The following STX8 variants were observed in gnomAD, a reference collection of about 807,000 sequenced individuals.
The protein encoded by STX8 is syntaxin-8.
STX8 carries 23 observed loss-of-function variants against 37.5 expected under a neutral mutation model. The observed-to-expected ratio is 0.61, with a 90% CI of 0.44 to 0.87. STX8 has a LOEUF of 0.87. STX8 is among the 40% of genes least tolerant of loss of function. The pLI is 0.00. For missense variants in STX8, 313 were observed against 284.7 expected (o/e 1.10, Z -0.71); for synonymous variants, 115 against 99.1 (o/e 1.16, Z -0.95).
chr17:9,539,574 A>T (rs1171987081), intron 4 of STX8, among the ~76,000 whole-genome samples: 1 of 152,192 alleles, frequency 6.6e-6, no homozygotes, highest in Admixed American at 6.5e-5. Flanking sequence ...AGTTCTGACA[A>T]GGCTTTCTGG....
At chr17:9,502,563 C>A in intron 5 of STX8, among the ~76,000 whole-genome samples, 1 of 152,168 alleles carries the variant, frequency 6.6e-6, no homozygotes, top group Non-Finnish European at 1.5e-5. Flanking sequence ...TTTTTACTTG[C>A]AAATTAAAAA....
intron 6 of STX8, among the ~76,000 whole-genome samples, chr17:9,398,515 A>G (rs1182584197): frequency 6.6e-6 from 1 of 152,224 alleles, no homozygotes; most frequent in Non-Finnish European, 1.5e-5. Context: ...ATCCTAGAAC[A>G]GGAAAAGGAC....
At chr17:9,274,898 G>A (rs537415322) in intron 7 of STX8, among the ~76,000 whole-genome samples, 27 of 150,932 alleles carry the variant, frequency 1.8e-4, no homozygotes, top group African/African-American at 5.6e-4. Flanking sequence ...CTACAGGCAT[G>A]CACCACCATG....
intron 2 of STX8, among the ~76,000 whole-genome samples, chr17:9,565,392 G>A (rs1232933438): frequency 6.6e-6 from 1 of 152,070 alleles, no homozygotes; most frequent in Non-Finnish European, 1.5e-5. Context: ...GAGGCGGGCA[G>A]ATCACTTGAG....
At chr17:9,362,375 A>C (rs1424564248) in intron 7 of STX8, among the ~76,000 whole-genome samples, 1 of 152,200 alleles carries the variant, frequency 6.6e-6, no homozygotes, top group East Asian at 1.9e-4. Flanking sequence ...TATAATGCCA[A>C]CTTGGGAGAA....
chr17:9,506,066 A>G (rs1904810974), intron 4 of STX8, among the ~76,000 whole-genome samples: 1 of 152,088 alleles, frequency 6.6e-6, no homozygotes, highest in South Asian at 2.1e-4. Flanking sequence ...TGATTTGTCA[A>G]TCTTAACCTT....
chr17:9,498,858 C>T (rs1904510250), intron 5 of STX8, among the ~76,000 whole-genome samples: 1 of 152,224 alleles, frequency 6.6e-6, no homozygotes, highest in African/African-American at 2.4e-5. Context: ...TGCGATCCCA[C>T]TCAGGGACAA....
chr17:9,573,095 C>T (rs1213330745), intron 1 of STX8, among the ~76,000 whole-genome samples: 3 of 144,792 alleles, frequency 2.1e-5, no homozygotes, highest in African/African-American at 5.1e-5. Flanking sequence ...CCCCCACCCC[C>T]GCAACCATCT....
At chr17:9,476,190 C>G (rs994755382) in intron 6 of STX8, among the ~76,000 whole-genome samples, 13 of 152,220 alleles carry the variant, frequency 8.5e-5, no homozygotes, top group African/African-American at 2.9e-4. Context: ...GAAAACAAAA[C>G]AAAACGAAAC....
At chr17:9,408,369 G>A (rs1912868705) in intron 6 of STX8, among the ~76,000 whole-genome samples, 1 of 152,136 alleles carries the variant, frequency 6.6e-6, no homozygotes, top group African/African-American at 2.4e-5. Flanking sequence ...TTATCCCCAG[G>A]AAAGGGATAG....
At chr17:9,299,273 A>ATTCCC in intron 7 of STX8, among the ~76,000 whole-genome samples, 1 of 152,092 alleles carries the variant, frequency 6.6e-6, no homozygotes, top group Middle Eastern at 3.4e-3. Flanking sequence ...AGATGGTGCA[A>ATTCCC]ATGTGGTCAC....
intron 4 of STX8, among the ~76,000 whole-genome samples, chr17:9,542,621 G>A (rs1207321475): frequency 2.6e-5 from 4 of 151,908 alleles, no homozygotes; most frequent in Non-Finnish European, 4.4e-5. Flanking sequence ...AGCTTGCAGT[G>A]AGCCAAGATT....
At chr17:9,524,460 A>G (rs1905481034) in intron 4 of STX8, among the ~76,000 whole-genome samples, 1 of 152,028 alleles carries the variant, frequency 6.6e-6, no homozygotes, top group Non-Finnish European at 1.5e-5. Flanking sequence ...TCTTTTTTTT[A>G]TAAGGGCACT....
intron 4 of STX8, among the ~76,000 whole-genome samples, chr17:9,515,171 TGTC>T (rs1905127896): frequency 6.6e-6 from 1 of 152,210 alleles, no homozygotes; most frequent in Non-Finnish European, 1.5e-5. Flanking sequence ...AACTGTCTAA[TGTC>T]GTACTTGGAA....
chr17:9,279,662 C>CTA, intron 7 of STX8, among the ~76,000 whole-genome samples: 1 of 152,216 alleles, frequency 6.6e-6, no homozygotes, highest in Non-Finnish European at 1.5e-5. Flanking sequence ...GGACTTCTCA[C>CTA]TGTCTTCCCT....
intron 4 of STX8, among the ~76,000 whole-genome samples, chr17:9,519,951 T>C (rs755704583): frequency 6.6e-6 from 1 of 152,176 alleles, no homozygotes; most frequent in Non-Finnish European, 1.5e-5. Context: ...CATGGTGCTA[T>C]GTTCACAACC....
intron 4 of STX8, among the ~76,000 whole-genome samples, chr17:9,531,463 C>T (rs1047140814): frequency 1.3e-5 from 2 of 152,078 alleles, no homozygotes; most frequent in African/African-American, 2.4e-5. Context: ...GACCCCACCC[C>T]GACTTACTCA....
Position 9,276,557 on chromosome 17 carries a change from T to C in STX8, c.644-25912A>G, listed in dbSNP as rs560988552. Among the ~76,000 whole-genome samples, 9 of 152,236 alleles carry C rather than the reference T, an allele frequency of 5.9e-5. No individual in the cohort carries two copies. The East Asian group carries it at 1.2e-3, about 20-fold the overall frequency. ...CGAAATTAGAACTTTTAGGCCACTGTTGAGATATCTAAGACATCAACAAAA... is the reference window on the plus strand; with the variant it reads ...CGAAATTAGAACTTTTAGGCCACTGCTGAGATATCTAAGACATCAACAAAA... On this transcript the variant is annotated intron_variant, in intron 7 of 7. Transcript: ENST00000306357.
At chr17:9,310,830 C>T (rs1267599466) in intron 7 of STX8, among the ~76,000 whole-genome samples, 5 of 152,176 alleles carry the variant, frequency 3.3e-5, no homozygotes, top group Non-Finnish European at 5.9e-5. Context: ...AAATACTATA[C>T]TAGACTTATC....
Sources: gnomAD v4.1 joint callset for allele counts (sites outside exome capture counted in the v4.1 genomes callset) on GRCh38, gnomAD v4.1.1 for gene constraint, MANE v1.5 for transcripts, NCBI Gene and HGNC (gene_info 2026-07-23, HGNC 2026-07-21) for gene names.